The following ABTB2 variants were observed in gnomAD, a reference collection of about 807,000 sequenced individuals.
ABTB2 encodes the protein ankyrin repeat and BTB/POZ domain-containing protein 2.
Under a neutral mutation model 104.1 loss-of-function variants are expected in ABTB2, and 56 were observed. The ratio of observed to expected loss-of-function variants is 0.54; its 90% CI spans 0.43 to 0.67. The LOEUF is 0.67. Among genes scored for constraint, ABTB2 ranks in the 30% least tolerant of loss-of-function variants. ABTB2 has a pLI of 0.00. For synonymous variants in ABTB2, 606 were observed against 608.2 expected, an observed-to-expected ratio of 1.00 and a Z score of 0.05; for missense variants, 1,279 against 1,407.7, an observed-to-expected ratio of 0.91 and a Z score of 1.46.
In ABTB2 at chr11:34,356,934, G is replaced by A. The variant is rs1255182413; in HGVS notation, c.650C>T (p.Thr217Ile). The change falls in exon 1 of 17, where the codon ACC (threonine) becomes ATC (isoleucine). Residue 217 changes from threonine to isoleucine, a missense_variant. Physicochemically the swap from Thr to Ile is moderately conservative, Grantham distance 89. Transcript: ENST00000435224. This position sits in a 1 kb window ranked among gnomAD's most constrained non-coding sequence, Gnocchi z 4.6. ...VGRFFRWMVD[T>I]RISVRIHEYA... ...CTCGTGGATGCGCACGGAGATTCGGGTGTCCACCATCCAGCGGAAAAAGCG... is the reference window on the plus strand; with the variant it reads ...CTCGTGGATGCGCACGGAGATTCGGATGTCCACCATCCAGCGGAAAAAGCG... 25 of 1,601,434 alleles carry A rather than the reference G, an allele frequency of 1.6e-5. No homozygotes were observed. The highest frequency in any genetic ancestry group is 2.0e-5 in the Non-Finnish European group (24 of 1,174,388).
chr11:34,214,569 T>C (rs1450494318), intron 1 of ABTB2, among the ~76,000 whole-genome samples: 1 of 148,488 alleles, frequency 6.7e-6, no homozygotes, highest in Non-Finnish European at 1.5e-5. Flanking sequence ...AGTCAGGTTC[T>C]TGCTCTGTCT....
intron 3 of ABTB2, among the ~76,000 whole-genome samples, chr11:34,187,499 C>CT (rs33924050): frequency 0.45 from 63,205 of 140,464 alleles, 14,928 homozygotes; most frequent in East Asian, 0.81. Flanking sequence ...TCTTCTTTGC[C>CT]TTTTTTTTTT....
chr11:34,194,375 C>A (rs1853220326), intron 3 of ABTB2, among the ~76,000 whole-genome samples: 1 of 152,350 alleles, frequency 6.6e-6, no homozygotes, highest in Admixed American at 6.5e-5. Context: ...CGCCATGCTT[C>A]CAGGTGGGAC....
At chr11:34,226,938 C>T (rs1205990249) in intron 1 of ABTB2, among the ~76,000 whole-genome samples, 2 of 152,046 alleles carry the variant, frequency 1.3e-5, no homozygotes, top group East Asian at 1.9e-4. Context: ...TGGCAGTGTA[C>T]GCCTGTAGTC....
chr11:34,262,598 C>A (rs563881075), intron 1 of ABTB2, among the ~76,000 whole-genome samples: 1 of 152,310 alleles, frequency 6.6e-6, no homozygotes, highest in African/African-American at 2.4e-5. Flanking sequence ...ACAATCTTTC[C>A]CCAGTGGATT....
chr11:34,325,581 A>C (rs12296062), intron 1 of ABTB2, among the ~76,000 whole-genome samples: 29,731 of 152,132 alleles, frequency 0.2, 3,192 homozygotes, highest in Admixed American at 0.25. Context: ...GAAGTTAGCT[A>C]TTACTATTAC....
rs550242106 is a variant in ABTB2, at chr11:34,186,075, G to A, written c.1244+11250C>T. ...TGGGTGGAAAGCTGGAAGGAGGCGT[G>A]ATGGAGAAAGGTTTGCCTTGGGGCC... On this transcript the variant is annotated intron_variant, in intron 3 of 16. Coordinates refer to ENST00000435224, the MANE Select transcript of ABTB2 (RefSeq NM_145804.3). 5.9e-5 allele frequency among the ~76,000 whole-genome samples: 9 copies of A among 152,346 alleles called. No individual in the cohort carries two copies. In the South Asian group the frequency reaches 1.9e-3, roughly 32 times the overall value.
intron 3 of ABTB2, among the ~76,000 whole-genome samples, chr11:34,173,638 G>A (rs1852918095): frequency 6.6e-6 from 1 of 152,138 alleles, no homozygotes; most frequent in South Asian, 2.1e-4. Context: ...CAGAACCTGA[G>A]GGCCCTCAGG....
chr11:34,164,951 A>T, intron 8 of ABTB2, 130 bp from the exon 9 acceptor site: 1 of 1,172,436 alleles, frequency 8.5e-7, no homozygotes, highest in Non-Finnish European at 1.2e-6. Flanking sequence ...CCCCACACTC[A>T]TCTGCATTTG....
At chr11:34,276,643 T>C (rs1854385094) in intron 1 of ABTB2, among the ~76,000 whole-genome samples, 1 of 152,172 alleles carries the variant, frequency 6.6e-6, no homozygotes, top group Non-Finnish European at 1.5e-5. Context: ...AGGGTTACAA[T>C]ACTTGACAAA....
chr11:34,330,973 T>C (rs1372555734), intron 1 of ABTB2, among the ~76,000 whole-genome samples: 1 of 152,212 alleles, frequency 6.6e-6, no homozygotes, highest in Non-Finnish European at 1.5e-5. Flanking sequence ...TCTGCCTCTT[T>C]ATGAATGAGA....
chr11:34,304,236 T>TA (rs1854745510), intron 1 of ABTB2, among the ~76,000 whole-genome samples: 1 of 152,216 alleles, frequency 6.6e-6, no homozygotes, highest in African/African-American at 2.4e-5. Context: ...AGGTCCAACA[T>TA]ATGCTCTGTG....
chr11:34,206,524 G>A (rs1853409474), intron 1 of ABTB2, among the ~76,000 whole-genome samples: 1 of 152,204 alleles, frequency 6.6e-6, no homozygotes, highest in Non-Finnish European at 1.5e-5. Context: ...GGGATGGACT[G>A]GTTCCACAAT....
In ABTB2 at chr11:34,274,218, T is replaced by C. The variant is rs574530909; in HGVS notation, c.884-69528A>G. Among the ~76,000 whole-genome samples the C allele has an allele frequency of 8.0e-5, 12 of 149,098 alleles. No homozygotes were observed. The East Asian group carries it at 2.2e-3, about 27-fold the overall frequency. On this transcript the variant is annotated intron_variant, in intron 1 of 16. Coordinates refer to ENST00000435224, the MANE Select transcript of ABTB2 (RefSeq NM_145804.3). ...TTTAACTATGATAACAGCTACCAGT[T>C]ACTAAGGACTTACTTTGCGTGGAAG...
At chr11:34,176,609 T>C (rs544085479) in intron 3 of ABTB2, among the ~76,000 whole-genome samples, 1 of 152,154 alleles carries the variant, frequency 6.6e-6, no homozygotes, top group Admixed American at 6.5e-5. Context: ...ACCACTCCCC[T>C]GCAGCCTGGG....
intron 2 of ABTB2, among the ~76,000 whole-genome samples, chr11:34,198,242 T>A (rs1021065330): frequency 6.6e-6 from 1 of 151,942 alleles, no homozygotes; most frequent in African/African-American, 2.4e-5. Flanking sequence ...CTGGCCAACA[T>A]GGTGAAACCC....
At position 34,173,146 on chromosome 11, in the gene ABTB2, G is replaced by C. The variant is rs770099849; in HGVS notation, c.1397+9C>G. 6.2e-7 allele frequency: 1 copy of C among 1,613,660 alleles called. No homozygotes were observed. Among genetic ancestry groups the C allele is most frequent in the South Asian group, 1.1e-5 (1 of 91,040 alleles). On this transcript the variant is annotated intron_variant, in intron 4 of 16. Coordinates refer to ENST00000435224, the MANE Select transcript of ABTB2 (RefSeq NM_145804.3). The stretch of plus-strand genomic sequence containing the variant: ...GATGCCGGGGCCCTCCCTCCTCCCT[G>C]GTTCATACTTGAGCTGCCGAGGTTC...
At chr11:34,153,168 A>G (rs1356272514) in intron 16 of ABTB2, among the ~76,000 whole-genome samples, 1 of 152,172 alleles carries the variant, frequency 6.6e-6, no homozygotes, top group Admixed American at 6.5e-5. Flanking sequence ...AGGGCGGGAA[A>G]GAGCTTTACA....
intron 1 of ABTB2, among the ~76,000 whole-genome samples, chr11:34,257,137 T>C (rs963742757): frequency 2.0e-5 from 3 of 152,232 alleles, no homozygotes; most frequent in Admixed American, 6.5e-5. Flanking sequence ...GCAGGTGGCC[T>C]ATGGTCCGAT....
Sources: allele counts gnomAD v4.1 joint callset (sites outside exome capture counted in the v4.1 genomes callset), GRCh38; gene constraint gnomAD v4.1.1; non-coding constraint Gnocchi (gnomAD v3.1); transcripts MANE v1.5; gene names NCBI Gene and HGNC (gene_info 2026-07-23, HGNC 2026-07-21).